The following ELMOD1 variants were observed in gnomAD, a reference collection of about 807,000 sequenced individuals.
ELMOD1 encodes ELMO domain containing 1.
A neutral mutation model predicts 46.7 loss-of-function variants in ELMOD1; 21 were observed. That is an observed-to-expected ratio of 0.45 (90% CI 0.32 to 0.65). ELMOD1 has a LOEUF of 0.65. ELMOD1 is among the 30% of genes least tolerant of loss of function. The pLI, the probability that ELMOD1 is intolerant of heterozygous loss-of-function variation, is 0.04. For synonymous variants in ELMOD1, 122 were observed against 138.2 expected, an observed-to-expected ratio of 0.88 and a Z score of 0.82; for missense variants, 348 against 407.8, an observed-to-expected ratio of 0.85 and a Z score of 1.26.
intron 4 of ELMOD1, 135 bp from the exon 5 acceptor site, chr11:107,631,445 G>A (rs184709192): frequency 1.9e-5 from 6 of 323,706 alleles, no homozygotes; most frequent in Middle Eastern, 4.0e-4. Context: ...ATTCAAGTAC[G>A]CTAAATCAAT....
At chr11:107,631,503 G>A (rs1344258031) in intron 4 of ELMOD1, 77 bp from the exon 5 acceptor site, 15 of 687,730 alleles carry the variant, frequency 2.2e-5, no homozygotes, top group Non-Finnish European at 3.2e-5. Context: ...GCAAATGTTT[G>A]AAGCCTCTAT....
chr11:107,621,499 T>A (rs1865947286), intron 2 of ELMOD1, among the ~76,000 whole-genome samples: 1 of 152,272 alleles, frequency 6.6e-6, no homozygotes, highest in Non-Finnish European at 1.5e-5. Context: ...TCATTGCTAA[T>A]AATGCAAGTA....
Position 107,639,682 on chromosome 11 carries a change from A to G in ELMOD1, c.420+3917A>G, listed in dbSNP as rs76443446. Among the ~76,000 whole-genome samples the G allele has an allele frequency of 2.0e-3, 302 of 152,326 alleles. 1 individual carries two copies. The highest frequency in any genetic ancestry group is 7.0e-3 in the African/African-American group (293 of 41,582). ...GTTCACAGTGAAGAGAGTTCAGCAG[A>G]GAGAGCAGGCTGTGATGGATAACAG... On this transcript the variant is annotated intron_variant, in intron 6 of 11. Coordinates refer to ENST00000265840, the MANE Select transcript of ELMOD1 (RefSeq NM_018712.4).
At chr11:107,595,731 A>G (rs1299455450) in intron 1 of ELMOD1, among the ~76,000 whole-genome samples, 1 of 152,150 alleles carries the variant, frequency 6.6e-6, no homozygotes, top group Non-Finnish European at 1.5e-5. Flanking sequence ...GCTGACCATG[A>G]GCAAGTCATA....
chr11:107,644,200 G>T (rs1866376628), intron 6 of ELMOD1, among the ~76,000 whole-genome samples: 1 of 151,730 alleles, frequency 6.6e-6, no homozygotes, highest in South Asian at 2.1e-4. Context: ...GGAGGCTGAG[G>T]CACAAGAATC....
intron 10 of ELMOD1, among the ~76,000 whole-genome samples, 172 bp downstream of exon 10, chr11:107,654,394 T>G (rs1295567609): frequency 6.6e-6 from 1 of 152,224 alleles, no homozygotes; most frequent in Non-Finnish European, 1.5e-5. Flanking sequence ...TCTGTATGGT[T>G]ATATGATATT....
chr11:107,593,340 G>A (rs115752794), intron 1 of ELMOD1: 299 of 152,340 alleles, frequency 2.0e-3, no homozygotes, highest in African/African-American at 7.0e-3. Flanking sequence ...CTCTATAAAT[G>A]TTAGCTTTCC....
rs999076334 is a variant in ELMOD1, at chr11:107,618,116, T to C, written c.-74T>C. 3.3e-6 allele frequency: 5 copies of C among 1,515,470 alleles called. No individual in the cohort carries two copies. In the African/African-American group the frequency reaches 5.5e-5, roughly 17 times the overall value. 93.9% of individuals were successfully genotyped at this position (1,515,470 alleles called of 1,614,324 possible). A position where few individuals can be genotyped will look rare whatever the true frequency, so the allele number is the denominator to read the frequency against. On this transcript the variant is annotated 5_prime_UTR_variant, in exon 2 of 12. Transcript: ENST00000265840. ...ATTTCTTCCCACAGTTGACACTTACTTTGACAAAGGCAAATTTGGAAGCAA... is the reference window on the plus strand; with the variant it reads ...ATTTCTTCCCACAGTTGACACTTACCTTGACAAAGGCAAATTTGGAAGCAA...
At chr11:107,598,845 T>G (rs1865538859) in intron 1 of ELMOD1, among the ~76,000 whole-genome samples, 1 of 152,254 alleles carries the variant, frequency 6.6e-6, no homozygotes, top group Non-Finnish European at 1.5e-5. Context: ...CTAGCCCACC[T>G]GGAGATTTTG....
chr11:107,628,116 A>T (rs1293688815), intron 2 of ELMOD1, among the ~76,000 whole-genome samples: 1 of 151,462 alleles, frequency 6.6e-6, no homozygotes, highest in African/African-American at 2.4e-5. Flanking sequence ...GCTATCCAGT[A>T]GTTAGAAAAT....
At chr11:107,623,188 A>G (rs1199734095) in intron 2 of ELMOD1, 1 of 152,012 alleles carries the variant, frequency 6.6e-6, no homozygotes, top group Non-Finnish European at 1.5e-5. Context: ...ATACACACAT[A>G]TATTTTAAAT....
chr11:107,622,614 A>C (rs576141271), intron 2 of ELMOD1, among the ~76,000 whole-genome samples: 1 of 152,364 alleles, frequency 6.6e-6, no homozygotes, highest in East Asian at 1.9e-4. Context: ...CATTGAGGCA[A>C]ATTCGGGCTA....
chr11:107,607,070 C>A (rs564436733), intron 1 of ELMOD1, among the ~76,000 whole-genome samples: 11 of 152,248 alleles, frequency 7.2e-5, no homozygotes, highest in African/African-American at 2.6e-4. Context: ...CCTTTCTCCT[C>A]CATTTTACCT....
chr11:107,604,229 G>A (rs1198301927), intron 1 of ELMOD1, among the ~76,000 whole-genome samples: 1 of 152,166 alleles, frequency 6.6e-6, no homozygotes, highest in East Asian at 1.9e-4. Flanking sequence ...ACATACACTG[G>A]AGGGACTGTG....
At chr11:107,659,401 T>G (rs1866689848) in intron 11 of ELMOD1, among the ~76,000 whole-genome samples, 2 of 152,022 alleles carry the variant, frequency 1.3e-5, no homozygotes, top group Non-Finnish European at 1.5e-5. Context: ...CATATGGAGC[T>G]GCAGAGTGGG....
intron 9 of ELMOD1, among the ~76,000 whole-genome samples, chr11:107,652,057 A>C (rs1866535542): frequency 6.6e-6 from 1 of 152,210 alleles, no homozygotes; most frequent in Non-Finnish European, 1.5e-5. Context: ...TTATCCCTCA[A>C]ACTACAATAA....
chr11:107,630,516 G>A lies in ELMOD1; in HGVS notation c.117G>A (p.Arg39=). 1 of 1,610,678 alleles carries A rather than the reference G, an allele frequency of 6.2e-7. No individual in the cohort carries two copies. Among genetic ancestry groups the A allele is most frequent in the South Asian group, 1.1e-5 (1 of 90,126 alleles). ...RKLTGRCELQ[R]ICYNTKPGAS... is the part of the protein sequence containing the mutation. The stretch of plus-strand genomic sequence containing the variant: ...TAACTGGAAGATGTGAACTACAACG[G>A]ATCTGTTATAATACCAAGCCGGGAG... The change falls in exon 3 of 12, where the codon CGG becomes CGA. Residue 39 remains arginine, a synonymous_variant. Coordinates refer to ENST00000265840, the MANE Select transcript of ELMOD1 (RefSeq NM_018712.4).
chr11:107,658,725 A>G (rs960842813), intron 11 of ELMOD1, among the ~76,000 whole-genome samples: 4 of 152,274 alleles, frequency 2.6e-5, no homozygotes, highest in African/African-American at 9.6e-5. Context: ...ACTTGAGGTC[A>G]GGAGTTCAAG....
intron 1 of ELMOD1, among the ~76,000 whole-genome samples, chr11:107,611,549 T>A (rs1242316551): frequency 4.0e-5 from 6 of 151,318 alleles, no homozygotes; most frequent in Admixed American, 3.3e-4. Flanking sequence ...AAATATTTTT[T>A]AAAAAATTAG....
Sources: gnomAD v4.1 joint callset for allele counts (sites outside exome capture counted in the v4.1 genomes callset) on GRCh38, gnomAD v4.1.1 for gene constraint, MANE v1.5 for transcripts, NCBI Gene and HGNC (gene_info 2026-07-23, HGNC 2026-07-21) for gene names.